BRCC3: variants seen among roughly 807,000 people sequenced by gnomAD.
BRCC3 encodes the protein lys-63-specific deubiquitinase BRCC36.
In BRCC3, 15 loss-of-function variants were observed where a neutral mutation model predicts 28.0. That is an observed-to-expected ratio of 0.54 (90% CI 0.36 to 0.82). BRCC3 has a LOEUF of 0.82. Ranked by LOEUF, BRCC3 falls within the 40% of genes least tolerant of loss-of-function variation. The pLI is 0.01. For missense variants in BRCC3, 109 were observed against 225.9 expected, an observed-to-expected ratio of 0.48 and a Z score of 3.32; for synonymous variants, 66 against 80.3, an observed-to-expected ratio of 0.82 and a Z score of 0.95.
intron 9 of BRCC3, 87 bp from the exon 10 acceptor site, chrX:155,119,912 T>C (rs782153348): frequency 1.1e-5 from 9 of 799,194 alleles, no homozygotes; most frequent in Non-Finnish European, 1.6e-5. Flanking sequence ...GTGCTCATGG[T>C]TGGGGGTCTG....
intron 1 of BRCC3, among the ~76,000 whole-genome samples, chrX:155,072,093 G>T (rs993926750): frequency 8.0e-5 from 9 of 112,169 alleles, no homozygotes; most frequent in Non-Finnish European, 1.3e-4. Context: ...GGGTATCGAA[G>T]AGCCTAACAG....
In BRCC3 at chrX:155,089,497, G is replaced by A. The variant is rs1297612667; in HGVS notation, c.492+146G>A. 34 of 397,345 alleles carry A rather than the reference G, an allele frequency of 8.6e-5. No individual in the cohort carries two copies. In the East Asian group the frequency reaches 1.2e-3, roughly 14 times the overall value. The allele number at this position is 397,345 out of a possible 1,213,427, so 32.7% of individuals were successfully genotyped here. On this transcript the variant is annotated intron_variant, in intron 6 of 10. Transcript: ENST00000330045. ...GAAAAGGGTCATTGAGTCAGGACCT[G>A]AAGAAGGTGAGGGAACAAGTCTTGT...
At chrX:155,083,955 G>A (rs1411554456) in intron 5 of BRCC3, among the ~76,000 whole-genome samples, 1 of 112,198 alleles carries the variant, frequency 8.9e-6, no homozygotes, top group Non-Finnish European at 1.9e-5. Context: ...AGCAGACCCA[G>A]TATCTGAATT....
intron 3 of BRCC3, among the ~76,000 whole-genome samples, chrX:155,075,313 CCCA>C (rs2074028498): frequency 1.9e-5 from 1 of 52,205 alleles, no homozygotes; most frequent in Admixed American, 2.0e-4. Flanking sequence ...CTTGTTCTTC[CCCA>C]CACTAAATGT....
intron 7 of BRCC3, among the ~76,000 whole-genome samples, chrX:155,114,932 A>G (rs146449683): frequency 2.7e-5 from 3 of 111,994 alleles, no homozygotes; most frequent in African/African-American, 9.7e-5. Context: ...CAATATGAAC[A>G]TAAGCAAACT....
rs999243534 is a variant in BRCC3 at position 155,122,934 on chromosome X, G to A, written c.*1730G>A. The stretch of plus-strand genomic sequence containing the variant: ...AGTTCTATATGATTATGATGATTAC[G>A]ATGTTGATTATAACATTTGATTATG... On this transcript the variant is annotated 3_prime_UTR_variant, in exon 11 of 11. Transcript: ENST00000330045. 4 of 111,594 alleles carry A rather than the reference G, an allele frequency of 3.6e-5. No individual in the cohort carries two copies. The highest frequency in any genetic ancestry group is 7.5e-4 in the South Asian group (2 of 2,652). 9.2% of individuals were successfully genotyped at this position (111,594 alleles called of 1,213,427 possible).
intron 7 of BRCC3, among the ~76,000 whole-genome samples, chrX:155,112,693 G>A (rs891420496): frequency 9.8e-5 from 11 of 112,211 alleles, no homozygotes; most frequent in Admixed American, 7.5e-4. Context: ...GAAATAAAAG[G>A]CATCCACATT....
chrX:155,112,963 C>A (rs1557298302), intron 7 of BRCC3, among the ~76,000 whole-genome samples: 1 of 110,840 alleles, frequency 9.0e-6, no homozygotes. Context: ...ATATTCAAAA[C>A]TACAAAATGT....
At chrX:155,107,309 T>C (rs147740963) in intron 7 of BRCC3, among the ~76,000 whole-genome samples, 172 of 109,611 alleles carry the variant, frequency 1.6e-3, no homozygotes, top group African/African-American at 5.2e-3. Context: ...TGCTAAGTAG[T>C]ATTTTTATTT....
In BRCC3 at chrX:155,073,432, G is replaced by A; in HGVS notation, c.195+1G>A. The A allele has an allele frequency of 1.7e-6, 2 of 1,167,337 alleles. No individual in the cohort carries two copies. The highest frequency in any genetic ancestry group is 2.3e-6 in the Non-Finnish European group (2 of 872,871). On this transcript the variant is annotated splice_donor_variant, in intron 3 of 10. Coordinates refer to ENST00000330045, the MANE Select transcript of BRCC3 (RefSeq NM_001018055.3). LOFTEE classifies it high-confidence loss of function. Reference sequence around the variant, plus strand: ...TGAAATGCGCACAGTTGCTGAAAAGGTATGTGTGCTAAAATTTTGCATGAT... The same window carrying A: ...TGAAATGCGCACAGTTGCTGAAAAGATATGTGTGCTAAAATTTTGCATGAT...
At chrX:155,078,118 C>T (rs781878240) in intron 4 of BRCC3, among the ~76,000 whole-genome samples, 1 of 112,794 alleles carries the variant, frequency 8.9e-6, no homozygotes. Context: ...TATTCCCCTG[C>T]CTCAGTCTGC....
Position 155,090,466 on chromosome X carries a change from C to T in BRCC3, c.493-318C>T, listed in dbSNP as rs146832299. On this transcript the variant is annotated intron_variant, in intron 6 of 10. Coordinates refer to ENST00000330045, the MANE Select transcript of BRCC3 (RefSeq NM_001018055.3). The stretch of plus-strand genomic sequence containing the variant: ...AAATGCTTTCAACCTTGTCATCATG[C>T]GTTTATTTATTTATTGTCATCATAA... Among the ~76,000 whole-genome samples, 3 of 111,878 alleles carry T rather than the reference C, an allele frequency of 2.7e-5. No individual in the cohort carries two copies. In the East Asian group the frequency reaches 8.4e-4, roughly 31 times the overall value.
Position 155,116,327 on chromosome X carries a change from A to G in BRCC3, c.680+139A>G, listed in dbSNP as rs962357083. The G allele has an allele frequency of 2.5e-5, 13 of 530,347 alleles. No individual in the cohort carries two copies. The East Asian group carries it at 3.5e-4, about 14-fold the overall frequency. 43.7% of individuals were successfully genotyped at this position (530,347 alleles called of 1,213,427 possible). A position where few individuals can be genotyped will look rare whatever the true frequency, so the allele number is the denominator to read the frequency against. ...CTGGGAAGCTTTCTAGCAGTCTCCA[A>G]TCATAATGTTTCTCACGTTGTATGA... is the stretch of plus-strand genomic sequence containing the variant. On this transcript the variant is annotated intron_variant, in intron 8 of 10. Coordinates refer to ENST00000330045, the MANE Select transcript of BRCC3 (RefSeq NM_001018055.3).
In BRCC3 at chrX:155,116,206, T is replaced by C. The variant is rs1332319204; in HGVS notation, c.680+18T>C. The C allele has an allele frequency of 4.3e-6, 5 of 1,160,662 alleles. No individual in the cohort carries two copies. The highest frequency in any genetic ancestry group is 5.8e-6 in the Non-Finnish European group (5 of 867,735). On this transcript the variant is annotated intron_variant, in intron 8 of 10. Coordinates refer to ENST00000330045, the MANE Select transcript of BRCC3 (RefSeq NM_001018055.3). ...ATCCACAGGTAGAGACCCTCTTCACTCCTCTTCTCTACTTCTCAGGACCTA... is the reference window on the plus strand; with the variant it reads ...ATCCACAGGTAGAGACCCTCTTCACCCCTCTTCTCTACTTCTCAGGACCTA...
chrX:155,073,308 T>C (rs782568261), intron 2 of BRCC3, 69 bp from the exon 3 acceptor site: 1 of 1,086,996 alleles, frequency 9.2e-7, no homozygotes, highest in Non-Finnish European at 1.2e-6. Context: ...AATCCTGTTA[T>C]TTTGCTTTAA....
At chrX:155,079,330 T>C (rs1288341004) in intron 5 of BRCC3, among the ~76,000 whole-genome samples, 2 of 111,745 alleles carry the variant, frequency 1.8e-5, no homozygotes, top group African/African-American at 6.5e-5. Context: ...CTCACATGAA[T>C]TAAGTAAGTT....
chrX:155,112,512 T>C (rs1038506774), intron 7 of BRCC3, among the ~76,000 whole-genome samples: 16 of 112,929 alleles, frequency 1.4e-4, no homozygotes, highest in African/African-American at 4.5e-4. Flanking sequence ...ACTGAAACCA[T>C]GGAAAGTAAA....
At chrX:155,112,661 C>A (rs2074328968) in intron 7 of BRCC3, among the ~76,000 whole-genome samples, 2 of 111,824 alleles carry the variant, frequency 1.8e-5, no homozygotes, top group South Asian at 7.4e-4. Flanking sequence ...AATTCCTAGC[C>A]AAAACAATTA....
At chrX:155,072,380 C>T (rs2073992318) in intron 2 of BRCC3, 37 bp downstream of exon 2, 2 of 1,107,831 alleles carry the variant, frequency 1.8e-6, no homozygotes, top group East Asian at 3.0e-5. Context: ...CTTATAATCT[C>T]TAAGTCATTG....
Sources: gnomAD v4.1 joint callset for allele counts (sites outside exome capture counted in the v4.1 genomes callset) on GRCh38, gnomAD v4.1.1 for gene constraint, MANE v1.5 for transcripts, NCBI Gene and HGNC (gene_info 2026-07-23, HGNC 2026-07-21) for gene names.